Variants in MARCHF7 observed in about 807,000 individuals in gnomAD.
MARCHF7 encodes membrane associated ring-CH-type finger 7.
Under a neutral mutation model 76.5 loss-of-function variants are expected in MARCHF7, and 20 were observed. The observed-to-expected ratio is 0.26, with a 90% CI of 0.18 to 0.38. The LOEUF (loss-of-function observed/expected upper bound fraction) is 0.38. Among genes scored for constraint, MARCHF7 ranks in the 10% least tolerant of loss-of-function variants. The pLI, the probability that MARCHF7 is intolerant of heterozygous loss-of-function variation, is 1.00. For synonymous variants in MARCHF7, 295 were observed against 293.0 expected (o/e 1.01, Z -0.07); for missense variants, 797 against 812.9 (o/e 0.98, Z 0.24).
intron 8 of MARCHF7, 68 bp from the exon 9 acceptor site, chr2:159,759,158 T>TAA: frequency 1.2e-6 from 1 of 829,646 alleles, no homozygotes; most frequent in Non-Finnish European, 2.0e-6. Context: ...GCTTAAAACT[T>TAA]AACGAGGAAA....
At chr2:159,751,185 T>A (rs1037464369) in intron 7 of MARCHF7, among the ~76,000 whole-genome samples, 1 of 152,226 alleles carries the variant, frequency 6.6e-6, no homozygotes, top group Admixed American at 6.5e-5. Flanking sequence ...TAGATTAATT[T>A]AAGTACAGTA....
At chr2:159,766,271 A>T (rs747686133) in intron 11 of MARCHF7, among the ~76,000 whole-genome samples, 12 of 152,168 alleles carry the variant, frequency 7.9e-5, no homozygotes, top group Non-Finnish European at 1.8e-4. Flanking sequence ...TTTCTCAGTG[A>T]TAGAGCATAA....
At position 159,745,818 on chromosome 2, in the gene MARCHF7, T is replaced by G; in HGVS notation, c.395T>G (p.Leu132Arg). ...SQVPRSSSMV[L>R]GSFGTDLMRE... ...GTTCCTAGATCTTCATCAATGGTACTTGGATCATTTGGAACAGACTTAATG... is the reference window on the plus strand; with the variant it reads ...GTTCCTAGATCTTCATCAATGGTACGTGGATCATTTGGAACAGACTTAATG... The change falls in exon 6 of 12, where the codon CTT becomes CGT. Residue 132 changes from leucine (L) to arginine (R), a missense_variant. Around this residue, in one of 3 missense-constraint regions of MARCHF7, gnomAD observed 643 missense variants for 631.5 expected, o/e 1.02. Coordinates refer to ENST00000409175, the MANE Select transcript of MARCHF7 (RefSeq NM_001282805.2). The G allele has an allele frequency of 6.2e-7, 1 of 1,612,748 alleles. No individual in the cohort carries two copies. Among genetic ancestry groups the G allele is most frequent in the Non-Finnish European group, 8.5e-7 (1 of 1,179,128 alleles).
At chr2:159,726,476 A>G (rs2125372068) in intron 3 of MARCHF7, among the ~76,000 whole-genome samples, 1 of 151,944 alleles carries the variant, frequency 6.6e-6, no homozygotes, top group Admixed American at 6.5e-5. Context: ...GTTAGCCAGG[A>G]TGGTCTTGAT....
chr2:159,733,348 CCACCT>C, intron 4 of MARCHF7: 3 of 458,016 alleles, frequency 6.5e-6, no homozygotes, highest in Non-Finnish European at 8.6e-6. Flanking sequence ...AGCAGTCCTC[CCACCT>C]CAGCCTCCTG....
chr2:159,740,170 G>A (rs1163287476), intron 4 of MARCHF7, among the ~76,000 whole-genome samples: 1 of 151,960 alleles, frequency 6.6e-6, no homozygotes. Context: ...CTTCCTAATT[G>A]GTTTTCTTTC....
chr2:159,720,034 C>T (rs772794505), intron 3 of MARCHF7, among the ~76,000 whole-genome samples: 2 of 152,114 alleles, frequency 1.3e-5, no homozygotes, highest in South Asian at 2.1e-4. Flanking sequence ...GCCCTCCCCC[C>T]TCCAGCCCCA....
chr2:159,736,018 T>G (rs1377765216), intron 4 of MARCHF7, among the ~76,000 whole-genome samples: 1 of 152,158 alleles, frequency 6.6e-6, no homozygotes, highest in Non-Finnish European at 1.5e-5. Context: ...TCCTAACTTT[T>G]TGGGAGGCTG....
chr2:159,763,727 G>C (rs1707380517), intron 10 of MARCHF7, among the ~76,000 whole-genome samples: 1 of 152,198 alleles, frequency 6.6e-6, no homozygotes, highest in Admixed American at 6.5e-5. Context: ...TAAAAGTGTA[G>C]TAGAGTTCAT....
intron 4 of MARCHF7, chr2:159,733,974 T>A (rs1342159840): frequency 2.3e-6 from 3 of 1,299,126 alleles, no homozygotes; most frequent in Non-Finnish European, 3.0e-6. Context: ...ATTTGTAAGC[T>A]GCGCTTCACC....
intron 6 of MARCHF7, among the ~76,000 whole-genome samples, chr2:159,747,192 G>A (rs772328273): frequency 6.6e-6 from 1 of 152,012 alleles, no homozygotes; most frequent in African/African-American, 2.4e-5. Flanking sequence ...ATAGTTCCTA[G>A]CCAGTATTTT....
chr2:159,764,255 T>TGTGTGTGCGCGCGCGC (rs10592175), intron 10 of MARCHF7, among the ~76,000 whole-genome samples: 38 of 131,474 alleles, frequency 2.9e-4, no homozygotes, highest in Middle Eastern at 3.7e-3. Flanking sequence ...TGTGTGTGTG[T>TGTGTGTGCGCGCGCGC]GCGCGCGCCC....
At chr2:159,738,853 A>C (rs985222391) in intron 4 of MARCHF7, among the ~76,000 whole-genome samples, 1 of 152,228 alleles carries the variant, frequency 6.6e-6, no homozygotes, top group Non-Finnish European at 1.5e-5. Flanking sequence ...CTTTTCACCC[A>C]GGAGCATGTC....
intron 4 of MARCHF7, among the ~76,000 whole-genome samples, chr2:159,738,306 G>A (rs1703707607): frequency 6.6e-6 from 1 of 152,172 alleles, no homozygotes; most frequent in South Asian, 2.1e-4. Flanking sequence ...GAGCTCCTAG[G>A]TCTGGACTCC....
At chr2:159,744,219 A>G (rs1017577402) in intron 5 of MARCHF7, among the ~76,000 whole-genome samples, 1 of 151,438 alleles carries the variant, frequency 6.6e-6, no homozygotes, top group African/African-American at 2.4e-5. Flanking sequence ...CGATCTCCTG[A>G]CCTCGTGATC....
rs772271834 is a variant in MARCHF7, at chr2:159,752,521, A to T, written c.1733A>T (p.Tyr578Phe). 1 of 1,599,916 alleles carries T rather than the reference A, an allele frequency of 6.3e-7. No homozygotes were observed. Among genetic ancestry groups the T allele is most frequent in the Non-Finnish European group, 8.5e-7 (1 of 1,174,056 alleles). Residue 578 changes from tyrosine (Y) to phenylalanine (F), a missense_variant, in exon 8 of 12, where the codon TAT becomes TTT. Tyr to Phe is a conservative substitution (Grantham distance 22). Coordinates refer to ENST00000409175, the MANE Select transcript of MARCHF7 (RefSeq NM_001282805.2). ...EPCKCTGSLQ[Y>F]VHQDCMKKWL... ...TGCAAGTGCACAGGAAGTTTGCAGT[A>T]TGTCCACCAAGACTGTATGAAAAAG...
intron 11 of MARCHF7, among the ~76,000 whole-genome samples, chr2:159,766,014 G>T (rs1212336065): frequency 6.6e-5 from 10 of 151,932 alleles, no homozygotes; most frequent in African/African-American, 1.5e-4. Flanking sequence ...TAACATTCTC[G>T]TTTAAAATTT....
At chr2:159,739,700 A>G (rs1301398253) in intron 4 of MARCHF7, among the ~76,000 whole-genome samples, 1 of 152,256 alleles carries the variant, frequency 6.6e-6, no homozygotes, top group Admixed American at 6.5e-5. Context: ...TTGAACAAAT[A>G]TGGACAAAAT....
chr2:159,758,216 G>GA (rs755309189), intron 8 of MARCHF7, among the ~76,000 whole-genome samples: 2 of 152,122 alleles, frequency 1.3e-5, no homozygotes, highest in Non-Finnish European at 2.9e-5. Flanking sequence ...AAGGCAGAAA[G>GA]AACCTACAAG....
Sources: allele counts gnomAD v4.1 joint callset (sites outside exome capture counted in the v4.1 genomes callset), GRCh38; gene constraint gnomAD v4.1.1; regional missense constraint gnomAD v4.1.1; transcripts MANE v1.5; gene names NCBI Gene and HGNC (gene_info 2026-07-23, HGNC 2026-07-21).